VANGL2: variants seen among roughly 807,000 people sequenced by gnomAD.
The protein encoded by VANGL2 is vang-like protein 2.
In VANGL2, 14 loss-of-function variants were observed where a neutral mutation model predicts 50.2. The ratio of observed to expected loss-of-function variants is 0.28; its 90% CI spans 0.18 to 0.44. The LOEUF (loss-of-function observed/expected upper bound fraction) is 0.44. Among genes scored for constraint, VANGL2 ranks in the 20% least tolerant of loss-of-function variants. VANGL2 has a pLI of 1.00. For missense variants in VANGL2, 533 were observed against 701.5 expected, an observed-to-expected ratio of 0.76 and a Z score of 2.71; for synonymous variants, 295 against 297.2, an observed-to-expected ratio of 0.99 and a Z score of 0.08.
chr1:160,403,442 A>G (rs896849278), intron 1 of VANGL2, among the ~76,000 whole-genome samples: 6 of 151,998 alleles, frequency 3.9e-5, no homozygotes, highest in Non-Finnish European at 5.9e-5. Context: ...CCTGACTTCT[A>G]TTTCCTCTAA....
At chr1:160,406,667 T>A (rs543486420) in intron 1 of VANGL2, among the ~76,000 whole-genome samples, 6 of 152,022 alleles carry the variant, frequency 3.9e-5, no homozygotes, top group Non-Finnish European at 5.9e-5. Context: ...CACCAGAGTG[T>A]TCTTGGCTCC....
At chr1:160,418,975 G>A (rs1371575972) in intron 3 of VANGL2, 27 bp from the exon 4 acceptor site, 2 of 1,592,356 alleles carry the variant, frequency 1.3e-6, no homozygotes, top group East Asian at 2.2e-5. Context: ...CCTCCTTATT[G>A]TGTGGCTGGC....
rs1159224392 is a variant in VANGL2 at position 160,426,695 on chromosome 1, A to AT, written c.*1318dup. Reference sequence around the variant, plus strand: ...TGGCCCTCTAATAAATATTTTCAATATAAATCTGAGCCTTTGACTCAGACA... The same window carrying AT: ...TGGCCCTCTAATAAATATTTTCAATATTAAATCTGAGCCTTTGACTCAGACA... On this transcript the variant is annotated 3_prime_UTR_variant, in exon 8 of 8. Transcript: ENST00000368061. 1.3e-5 allele frequency: 2 copies of AT among 152,658 alleles called. No individual in the cohort carries two copies. The highest frequency in any genetic ancestry group is 2.9e-5 in the Non-Finnish European group (2 of 68,048). 9.5% of individuals were successfully genotyped at this position (152,658 alleles called of 1,614,324 possible).
In VANGL2 at chr1:160,421,058, G is replaced by A; in HGVS notation, c.944G>A (p.Ser315Asn). 6.2e-7 allele frequency: 1 copy of A among 1,614,184 alleles called. No homozygotes were observed. The highest frequency in any genetic ancestry group is 1.7e-5 in the Admixed American group (1 of 60,018). ...CTATCCTGTTCCTGTGCAGAAAACA[G>A]CACCAACAACTCCACTGGCCAGTCT... is the stretch of plus-strand genomic sequence containing the variant. ...FKVYSLGEEN[S>N]TNNSTGQSRA... Residue 315 changes from serine to asparagine, a missense_variant, in exon 6 of 8, where the codon AGC becomes AAC. By Grantham distance (46) the Ser-to-Asn change is conservative. Coordinates refer to ENST00000368061, the MANE Select transcript of VANGL2 (RefSeq NM_020335.3).
intron 1 of VANGL2, among the ~76,000 whole-genome samples, chr1:160,404,869 C>G (rs1415568109): frequency 1.3e-5 from 2 of 152,148 alleles, no homozygotes; most frequent in Non-Finnish European, 2.9e-5. Flanking sequence ...TGAGCGTGAG[C>G]AAGAAGGCAC....
intron 1 of VANGL2, among the ~76,000 whole-genome samples, chr1:160,406,326 C>G (rs1650658205): frequency 6.6e-6 from 1 of 152,174 alleles, no homozygotes; most frequent in African/African-American, 2.4e-5. Context: ...CCCCTGTTTT[C>G]TGAAAAGCAA....
Position 160,427,581 on chromosome 1 carries a change from T to TATTATTATTA in VANGL2, c.*2207_*2208insTTATTAATTA, listed in dbSNP as rs544937149. 4.6e-5 allele frequency: 7 copies of TATTATTATTA among 150,942 alleles called. No homozygotes were observed. In the East Asian group the frequency reaches 1.4e-3, roughly 29 times the overall value. 9.4% of individuals were successfully genotyped at this position (150,942 alleles called of 1,614,324 possible). A position where few individuals can be genotyped will look rare whatever the true frequency, so the allele number is the denominator to read the frequency against. On this transcript the variant is annotated 3_prime_UTR_variant, in exon 8 of 8. Coordinates refer to ENST00000368061, the MANE Select transcript of VANGL2 (RefSeq NM_020335.3). The stretch of plus-strand genomic sequence containing the variant: ...TTATTATTATTATTATTATTATTAT[T>TATTATTATTA]ATTACTATTGTTTTTTAAAATGTCA...
intron 1 of VANGL2, among the ~76,000 whole-genome samples, chr1:160,408,485 G>GTGCACCCTGCAC: frequency 6.6e-6 from 1 of 152,270 alleles, no homozygotes; most frequent in East Asian, 1.9e-4. Context: ...TTCCCCTGCG[G>GTGCACCCTGCAC]TGCACCCTGC....
intron 1 of VANGL2, among the ~76,000 whole-genome samples, chr1:160,414,483 C>G (rs184389182): frequency 1.3e-5 from 2 of 152,134 alleles, no homozygotes; most frequent in South Asian, 2.1e-4. Context: ...TTTCTAGAAC[C>G]GCTAAGTTTA....
At chr1:160,405,690 T>C (rs1650635364) in intron 1 of VANGL2, among the ~76,000 whole-genome samples, 1 of 152,028 alleles carries the variant, frequency 6.6e-6, no homozygotes, top group Non-Finnish European at 1.5e-5. Flanking sequence ...CTCCTTCCCC[T>C]GCCGCTCCAC....
rs1254629977 is a variant in VANGL2, at chr1:160,427,266, A to C, written c.*1888A>C. The C allele has an allele frequency of 6.6e-6, 1 of 152,578 alleles. No individual in the cohort carries two copies. 9.5% of individuals were successfully genotyped at this position (152,578 alleles called of 1,614,324 possible). A position where few individuals can be genotyped will look rare whatever the true frequency, so the allele number is the denominator to read the frequency against. On this transcript the variant is annotated 3_prime_UTR_variant, in exon 8 of 8. Transcript: ENST00000368061. ...CCTGGAAAACAGGGCCTGGATGGTG[A>C]CTGGGGTCATTGCCTTTGTGGACAG...
At chr1:160,402,597 C>G (rs1279102733) in intron 1 of VANGL2, among the ~76,000 whole-genome samples, 1 of 152,056 alleles carries the variant, frequency 6.6e-6, no homozygotes, top group African/African-American at 2.4e-5. Flanking sequence ...AAAAAGTTTC[C>G]CTTTTCCCTG....
At position 160,416,139 on chromosome 1, in the gene VANGL2, G is replaced by C; in HGVS notation, c.149G>C (p.Gly50Ala). 6.2e-7 allele frequency: 1 copy of C among 1,614,210 alleles called. No homozygotes were observed. The highest frequency in any genetic ancestry group is 8.5e-7 in the Non-Finnish European group (1 of 1,180,026). Residue 50 changes from glycine (G) to alanine (A), a missense_variant, in exon 3 of 8, where the codon GGG (glycine) becomes GCG (alanine). By Grantham distance (60) the Gly-to-Ala change is moderately conservative (BLOSUM62 0). Transcript: ENST00000368061. Reference sequence around the variant, plus strand: ...AAGTCGGTGACAATCCAGGCTCCCGGGGAGCCCCTGCTGGACAATGAGTCC... The same window carrying C: ...AAGTCGGTGACAATCCAGGCTCCCGCGGAGCCCCTGCTGGACAATGAGTCC... Reference protein sequence around the residue: ...GDKSVTIQAPGEPLLDNESTR... With the variant: ...GDKSVTIQAPAEPLLDNESTR...
chr1:160,414,070 C>T lies in VANGL2; in HGVS notation c.-190-1578C>T, dbSNP rs969635854. ...TGATTTGACCACCAACATTAAGTCTCAAACATGACTGTTACTCACTCTTCT... is the reference window on the plus strand; with the variant it reads ...TGATTTGACCACCAACATTAAGTCTTAAACATGACTGTTACTCACTCTTCT... On this transcript the variant is annotated intron_variant, in intron 1 of 7. Coordinates refer to ENST00000368061, the MANE Select transcript of VANGL2 (RefSeq NM_020335.3). 6.6e-5 allele frequency among the ~76,000 whole-genome samples: 10 copies of T among 152,338 alleles called. No individual in the cohort carries two copies. In the East Asian group the frequency reaches 9.6e-4, roughly 15 times the overall value.
Position 160,425,511 on chromosome 1 carries a change from AC to A in VANGL2, c.*138del, listed in dbSNP as rs553874861. ...CTTTTTTTTTTACTTGAATTAACGCACCCCCACCTTCTCTCCTCGCTTCTTC... is the reference window on the plus strand; with the variant it reads ...CTTTTTTTTTTACTTGAATTAACGCACCCCACCTTCTCTCCTCGCTTCTTC... On this transcript the variant is annotated 3_prime_UTR_variant, in exon 8 of 8. Transcript: ENST00000368061. 94 of 822,848 alleles carry A rather than the reference AC, an allele frequency of 1.1e-4. 1 individual carries two copies. In the Admixed American group the frequency reaches 2.6e-3, roughly 22 times the overall value. 51.0% of individuals were successfully genotyped at this position (822,848 alleles called of 1,614,324 possible). A position where few individuals can be genotyped will look rare whatever the true frequency, so the allele number is the denominator to read the frequency against.
chr1:160,419,529 C>T lies in VANGL2; in HGVS notation c.720C>T (p.Arg240=), dbSNP rs140839691. 176 of 1,601,100 alleles carry T rather than the reference C, an allele frequency of 1.1e-4. No individual in the cohort carries two copies. Among genetic ancestry groups the T allele is most frequent in the Middle Eastern group, 8.2e-4 (5 of 6,080 alleles). ...HYLAVVLLEL[R]QLQPQFTLKV... is the part of the protein sequence containing the mutation. ...TGGCCGTGGTCCTGCTGGAGCTGCG[C>T]CAGCTCCAGCCTCAGTTCACGCTCA... is the stretch of plus-strand genomic sequence containing the variant. The change falls in exon 4 of 8, where the codon CGC becomes CGT. Residue 240 remains arginine (R), a synonymous_variant. Transcript: ENST00000368061. This position sits in a 1 kb window ranked among gnomAD's most constrained non-coding sequence, Gnocchi z 5.8.
chr1:160,419,596 G>T lies in VANGL2; in HGVS notation c.787G>T (p.Val263Phe). ...CGACGGCGCCAGCCGCTTCTACAAC[G>T]TTGGCCATCTCAGGTACTAGCCCAC... ...STDGASRFYNVGHLSIQRVAV... is the reference protein window; with the variant it reads ...STDGASRFYNFGHLSIQRVAV... The change falls in exon 4 of 8, where the codon GTT becomes TTT. Residue 263 changes from valine (V) to phenylalanine (F), a missense_variant. By Grantham distance (50) the Val-to-Phe change is conservative (BLOSUM62 -1). Transcript: ENST00000368061. The surrounding 1 kb of genome is among the most constrained non-coding windows in gnomAD (Gnocchi z 5.8). The T allele has an allele frequency of 6.3e-7, 1 of 1,599,176 alleles. No homozygotes were observed. The highest frequency in any genetic ancestry group is 1.1e-5 in the South Asian group (1 of 91,044).
chr1:160,427,689 T>C lies in VANGL2; in HGVS notation c.*2311T>C, dbSNP rs1469968444. 2.0e-5 allele frequency: 3 copies of C among 152,526 alleles called. No homozygotes were observed. Among genetic ancestry groups the C allele is most frequent in the Non-Finnish European group, 4.4e-5 (3 of 68,048 alleles). The allele number at this position is 152,526 out of a possible 1,614,324, so 9.4% of individuals were successfully genotyped here. On this transcript the variant is annotated 3_prime_UTR_variant, in exon 8 of 8. Transcript: ENST00000368061. Reference sequence around the variant, plus strand: ...GTTGTCTCCATGCTGTGAACTGCTGTGGGGTGTGCAGCTGACTCAGTCCCT... The same window carrying C: ...GTTGTCTCCATGCTGTGAACTGCTGCGGGGTGTGCAGCTGACTCAGTCCCT...
At chr1:160,413,109 T>C (rs1220213646) in intron 1 of VANGL2, among the ~76,000 whole-genome samples, 1 of 152,178 alleles carries the variant, frequency 6.6e-6, no homozygotes, top group African/African-American at 2.4e-5. Flanking sequence ...AGTATCCCTG[T>C]GGTTAAGCGA....
Sources: gnomAD v4.1 joint callset for allele counts (sites outside exome capture counted in the v4.1 genomes callset) on GRCh38, gnomAD v4.1.1 for gene constraint, Gnocchi (gnomAD v3.1) non-coding constraint, MANE v1.5 for transcripts, NCBI Gene and HGNC (gene_info 2026-07-23, HGNC 2026-07-21) for gene names.